Variants in TRABD2A observed in about 807,000 individuals in gnomAD.
The protein encoded by TRABD2A is metalloprotease TIKI1.
TRABD2A carries 43 observed loss-of-function variants against 45.6 expected under a neutral mutation model. The observed-to-expected ratio is 0.94, with a 90% CI of 0.74 to 1.22. The LOEUF (loss-of-function observed/expected upper bound fraction) is 1.22. TRABD2A is among the 50% of genes most tolerant of loss of function. TRABD2A has a pLI of 0.00. For missense variants in TRABD2A, 642 were observed against 652.4 expected, an observed-to-expected ratio of 0.98 and a Z score of 0.17; for synonymous variants, 269 against 265.0, an observed-to-expected ratio of 1.02 and a Z score of -0.15.
chr2:84,841,540 C>T (rs1045612526), intron 3 of TRABD2A, among the ~76,000 whole-genome samples: 8 of 152,254 alleles, frequency 5.3e-5, no homozygotes, highest in African/African-American at 1.9e-4. Flanking sequence ...TGACCTAAGT[C>T]AGCCAGGAGG....
intron 5 of TRABD2A, among the ~76,000 whole-genome samples, chr2:84,825,302 G>A (rs1344713336): frequency 6.6e-6 from 1 of 152,240 alleles, no homozygotes; most frequent in African/African-American, 2.4e-5. Flanking sequence ...CGACATGGCA[G>A]AACCTGAGAA....
rs949463489 is a variant in TRABD2A, at chr2:84,841,961, C to T, written c.716G>A (p.Arg239Gln). 4.5e-6 allele frequency: 7 copies of T among 1,540,422 alleles called. No individual in the cohort carries two copies. The highest frequency in any genetic ancestry group is 3.6e-5 in the South Asian group (3 of 83,270). The part of the protein sequence containing the change: ...NQTLLQQESL[R>Q]AGSLQIPYTT... The stretch of plus-strand genomic sequence containing the variant: ...GTAGGGGATCTGAAGACTGCCTGCT[C>T]GCAGGCTTTCCTGCTGCAGGAGGGT... Residue 239 changes from arginine to glutamine, a missense_variant, in exon 3 of 7, where the codon CGA (arginine) becomes CAA (glutamine). Physicochemically the swap from Arg to Gln is conservative, Grantham distance 43. Coordinates refer to ENST00000409520, the MANE Select transcript of TRABD2A (RefSeq NM_001277053.2).
chr2:84,850,215 A>G (rs1020316209), intron 2 of TRABD2A, among the ~76,000 whole-genome samples: 4 of 152,154 alleles, frequency 2.6e-5, no homozygotes, highest in East Asian at 1.9e-4. Context: ...ATCCCCTGGG[A>G]AAAAAAGGAC....
chr2:84,857,792 G>T (rs897585561), intron 2 of TRABD2A, among the ~76,000 whole-genome samples: 1 of 152,162 alleles, frequency 6.6e-6, no homozygotes, highest in Non-Finnish European at 1.5e-5. Flanking sequence ...CCAGGTAGAT[G>T]GGTGTCTCCC....
chr2:84,842,009 T>G lies in TRABD2A; in HGVS notation c.670-2A>C, dbSNP rs769816202. 5.4e-6 allele frequency: 8 copies of G among 1,493,862 alleles called. No homozygotes were observed. Among genetic ancestry groups the G allele is most frequent in the Non-Finnish European group, 7.1e-6 (8 of 1,121,414 alleles). The allele number at this position is 1,493,862 out of a possible 1,614,324, so 92.5% of individuals were successfully genotyped here. ...GGTCTGGTTCAAAGCAAAGATGACCTAAAAGAAAGGTCTCTTTTAAGTTCA... is the reference window on the plus strand; with the variant it reads ...GGTCTGGTTCAAAGCAAAGATGACCGAAAAGAAAGGTCTCTTTTAAGTTCA... On this transcript the variant is annotated splice_acceptor_variant, in intron 2 of 6. Coordinates refer to ENST00000409520, the MANE Select transcript of TRABD2A (RefSeq NM_001277053.2). LOFTEE classifies it high-confidence loss of function.
chr2:84,870,943 T>A (rs543284225), intron 1 of TRABD2A, among the ~76,000 whole-genome samples, 158 bp from the exon 2 acceptor site: 7 of 152,274 alleles, frequency 4.6e-5, no homozygotes, highest in Admixed American at 6.5e-5. Flanking sequence ...GGACAATCCA[T>A]TGCCCTAAAT....
chr2:84,849,567 G>T (rs929526337), intron 2 of TRABD2A: 1 of 152,144 alleles, frequency 6.6e-6, no homozygotes, highest in African/African-American at 2.4e-5. Flanking sequence ...ACACCAGATG[G>T]GCATCTTCTG....
At chr2:84,845,713 A>G (rs1681873437) in intron 2 of TRABD2A, among the ~76,000 whole-genome samples, 1 of 152,252 alleles carries the variant, frequency 6.6e-6, no homozygotes, top group Admixed American at 6.5e-5. Flanking sequence ...TTCTGTGTCA[A>G]CTAATCAAGG....
At chr2:84,866,044 C>T (rs1415555327) in intron 2 of TRABD2A, among the ~76,000 whole-genome samples, 1 of 152,224 alleles carries the variant, frequency 6.6e-6, no homozygotes, top group African/African-American at 2.4e-5. Context: ...AGATCAAATC[C>T]AGGCATCCGT....
At chr2:84,842,517 A>G (rs188777002) in intron 2 of TRABD2A, among the ~76,000 whole-genome samples, 3 of 152,226 alleles carry the variant, frequency 2.0e-5, no homozygotes, top group East Asian at 3.9e-4. Flanking sequence ...AATGAAGGCT[A>G]AAGAAAATTA....
chr2:84,873,698 G>C (rs1333492520), intron 1 of TRABD2A, among the ~76,000 whole-genome samples: 1 of 152,212 alleles, frequency 6.6e-6, no homozygotes, highest in African/African-American at 2.4e-5. Flanking sequence ...AGTTGAGATT[G>C]ACAGTTATGT....
At chr2:84,842,515 C>T (rs1209722559) in intron 2 of TRABD2A, among the ~76,000 whole-genome samples, 2 of 152,010 alleles carry the variant, frequency 1.3e-5, no homozygotes, top group African/African-American at 4.8e-5. Flanking sequence ...GAAATGAAGG[C>T]TAAAGAAAAT....
At chr2:84,867,365 T>A (rs879454119) in intron 2 of TRABD2A, among the ~76,000 whole-genome samples, 1 of 152,158 alleles carries the variant, frequency 6.6e-6, no homozygotes, top group Non-Finnish European at 1.5e-5. Context: ...TAAGAGACAG[T>A]GTTGCTGGCT....
chr2:84,861,586 T>C (rs1682500468), intron 2 of TRABD2A, among the ~76,000 whole-genome samples: 1 of 152,176 alleles, frequency 6.6e-6, no homozygotes, highest in Non-Finnish European at 1.5e-5. Flanking sequence ...TACCCATCTG[T>C]GGCGTGGTGA....
intron 1 of TRABD2A, chr2:84,879,729 G>A (rs908547489): frequency 2.4e-6 from 1 of 411,638 alleles, no homozygotes; most frequent in Non-Finnish European, 3.3e-6. Flanking sequence ...CATGCCTGGT[G>A]CAGACTCCCC....
At chr2:84,827,173 A>G (rs1681174379) in intron 5 of TRABD2A, among the ~76,000 whole-genome samples, 1 of 152,202 alleles carries the variant, frequency 6.6e-6, no homozygotes, top group South Asian at 2.1e-4. Context: ...TTCTACCCAC[A>G]AAAGCTAAGC....
At chr2:84,869,958 G>T (rs1324949211) in intron 2 of TRABD2A, among the ~76,000 whole-genome samples, 5 of 142,920 alleles carry the variant, frequency 3.5e-5, no homozygotes, top group African/African-American at 1.4e-4. Context: ...CAGCCTGGGT[G>T]GAATGACTCT....
chr2:84,849,266 G>T lies in TRABD2A; in HGVS notation c.670-7259C>A, dbSNP rs151307898. Among the ~76,000 whole-genome samples the T allele has an allele frequency of 3.3e-5, 5 of 152,160 alleles. No individual in the cohort carries two copies. In the East Asian group the frequency reaches 9.7e-4, roughly 29 times the overall value. Reference sequence around the variant, plus strand: ...TCAGACAATCCTGTAAGGATTCAGGGCTCATTTCTCCCAGATCTCAGACCA... The same window carrying T: ...TCAGACAATCCTGTAAGGATTCAGGTCTCATTTCTCCCAGATCTCAGACCA... On this transcript the variant is annotated intron_variant, in intron 2 of 6. Coordinates refer to ENST00000409520, the MANE Select transcript of TRABD2A (RefSeq NM_001277053.2).
At chr2:84,845,509 T>A (rs1559089653) in intron 2 of TRABD2A, among the ~76,000 whole-genome samples, 2 of 151,456 alleles carry the variant, frequency 1.3e-5, no homozygotes, top group African/African-American at 4.9e-5. Context: ...GACAGGTTTC[T>A]GGCCCTGTGG....
Sources: gnomAD v4.1 joint callset for allele counts (sites outside exome capture counted in the v4.1 genomes callset) on GRCh38, gnomAD v4.1.1 for gene constraint, MANE v1.5 for transcripts, NCBI Gene and HGNC (gene_info 2026-07-23, HGNC 2026-07-21) for gene names.